Variants in ERI3 observed in about 807,000 individuals in gnomAD.
ERI3 encodes the protein ERI1 exoribonuclease family member 3, also known as ERI1 exoribonuclease 3.
ERI3 carries 18 observed loss-of-function variants against 44.4 expected under a neutral mutation model. The ratio of observed to expected loss-of-function variants is 0.41; its 90% confidence interval spans 0.28 to 0.60. The LOEUF is 0.60. Ranked by LOEUF, ERI3 falls within the 20% of genes least tolerant of loss-of-function variation. The pLI is 0.36. For missense variants in ERI3, 294 were observed against 435.5 expected (o/e 0.68, Z 2.89); for synonymous variants, 183 against 164.8 (o/e 1.11, Z -0.84).
chr1:44,241,297 G>A lies in ERI3; in HGVS notation c.931+6642C>T, dbSNP rs1261164660. ...GGAAAATAAACTGAAATGAAGTCCG[G>A]TTATCTCCCATCTGTGGCTGCTCCT... On this transcript the variant is annotated intron_variant, in intron 8 of 8. Coordinates refer to ENST00000372257, the MANE Select transcript of ERI3 (RefSeq NM_024066.3). This position sits in a 1 kb window ranked among gnomAD's most constrained non-coding sequence, Gnocchi z 5.6. 6.6e-6 allele frequency among the ~76,000 whole-genome samples: 1 copy of A among 152,076 alleles called. No homozygotes were observed. Among genetic ancestry groups the A allele is most frequent in the Non-Finnish European group, 1.5e-5 (1 of 68,008 alleles).
intron 2 of ERI3, among the ~76,000 whole-genome samples, chr1:44,347,290 A>G (rs1025514512): frequency 1.3e-5 from 2 of 152,220 alleles, no homozygotes; most frequent in Non-Finnish European, 2.9e-5. Context: ...ATTTAAAAAG[A>G]AAAATTACAG....
In ERI3 at chr1:44,241,455, G is replaced by A. The variant is rs1027542062; in HGVS notation, c.931+6484C>T. ...CACATGCTCACACATGCACACACAT[G>A]CACACACTTCACTGACTCTTGCTCT... is the stretch of plus-strand genomic sequence containing the variant. On this transcript the variant is annotated intron_variant, in intron 8 of 8. Transcript: ENST00000372257. The surrounding 1 kb of genome is among the most constrained non-coding windows in gnomAD (Gnocchi z 5.6). Among the ~76,000 whole-genome samples, 1 of 151,916 alleles carries A rather than the reference G, an allele frequency of 6.6e-6. No homozygotes were observed. Among genetic ancestry groups the A allele is most frequent in the Non-Finnish European group, 1.5e-5 (1 of 67,966 alleles).
At chr1:44,254,647 G>T (rs534783578) in intron 7 of ERI3, among the ~76,000 whole-genome samples, 16 of 152,206 alleles carry the variant, frequency 1.1e-4, no homozygotes, top group Non-Finnish European at 1.8e-4. Flanking sequence ...CAAGACCACA[G>T]CCTTAGCAAC....
At chr1:44,234,680 TAAC>T (rs762054175) in intron 8 of ERI3, among the ~76,000 whole-genome samples, 16 of 151,744 alleles carry the variant, frequency 1.1e-4, no homozygotes, top group South Asian at 6.3e-4. Flanking sequence ...ACAGCAACAA[TAAC>T]AACAACAAAC....
At chr1:44,242,974 A>C (rs1029980814) in intron 8 of ERI3, among the ~76,000 whole-genome samples, 7 of 152,198 alleles carry the variant, frequency 4.6e-5, no homozygotes, top group African/African-American at 1.7e-4. Flanking sequence ...TCCTTTTGGT[A>C]CAAGCGTCTC....
At chr1:44,264,554 G>A (rs1016098602) in intron 7 of ERI3, among the ~76,000 whole-genome samples, 16 of 152,356 alleles carry the variant, frequency 1.1e-4, no homozygotes, top group Admixed American at 3.9e-4. Context: ...TGGACGGCGC[G>A]TGCATAGGCA....
intron 6 of ERI3, among the ~76,000 whole-genome samples, chr1:44,285,210 T>G (rs1307259204): frequency 3.9e-5 from 6 of 152,352 alleles, no homozygotes; most frequent in Middle Eastern, 6.8e-3. Flanking sequence ...TCACATTTAA[T>G]CTTCAAAGCA....
intron 5 of ERI3, among the ~76,000 whole-genome samples, chr1:44,311,009 ACACACAC>A (rs1645960458): frequency 7.1e-6 from 1 of 141,384 alleles, no homozygotes; most frequent in Non-Finnish European, 1.6e-5. Flanking sequence ...ACACACACAC[ACACACAC>A]GTGCAGGAAT....
chr1:44,274,989 C>G (rs532721801), intron 7 of ERI3, among the ~76,000 whole-genome samples: 2 of 152,312 alleles, frequency 1.3e-5, no homozygotes, highest in East Asian at 3.9e-4. Flanking sequence ...GGACAATGCT[C>G]TGCACTTTGG....
At chr1:44,331,911 C>T (rs563398261) in intron 3 of ERI3, among the ~76,000 whole-genome samples, 51 of 152,286 alleles carry the variant, frequency 3.3e-4, no homozygotes, top group Admixed American at 3.3e-3. Context: ...CATTCCCATC[C>T]TTTGTGCCCC....
At chr1:44,319,060 C>A (rs1294943000) in intron 4 of ERI3, among the ~76,000 whole-genome samples, 5 of 152,200 alleles carry the variant, frequency 3.3e-5, no homozygotes, top group African/African-American at 4.8e-5. Flanking sequence ...CCAATACTAA[C>A]CTGCTGACAA....
chr1:44,291,952 A>C (rs1557824848), intron 6 of ERI3, among the ~76,000 whole-genome samples: 1 of 152,144 alleles, frequency 6.6e-6, no homozygotes, highest in Non-Finnish European at 1.5e-5. Flanking sequence ...CACTACACTA[A>C]GATAACTTGG....
chr1:44,261,288 G>T (rs1430136444), intron 7 of ERI3, among the ~76,000 whole-genome samples: 54 of 152,270 alleles, frequency 3.5e-4, no homozygotes, highest in Admixed American at 3.5e-3. Flanking sequence ...GGCGCACAGC[G>T]CGGAGGAAGG....
intron 6 of ERI3, among the ~76,000 whole-genome samples, chr1:44,302,899 A>C (rs1645756726): frequency 6.6e-6 from 1 of 152,212 alleles, no homozygotes; most frequent in Non-Finnish European, 1.5e-5. Context: ...TGTGCCCTTG[A>C]CAAATTACTT....
At chr1:44,307,341 A>G (rs1645859135) in intron 6 of ERI3, among the ~76,000 whole-genome samples, 1 of 152,098 alleles carries the variant, frequency 6.6e-6, no homozygotes, top group Non-Finnish European at 1.5e-5. Context: ...TGTGGTAGAA[A>G]ATGTTACTGC....
Position 44,252,805 on chromosome 1 carries a change from G to T in ERI3, c.832-4767C>A, listed in dbSNP as rs1309856635. 6.6e-6 allele frequency among the ~76,000 whole-genome samples: 1 copy of T among 152,224 alleles called. No individual in the cohort carries two copies. Among genetic ancestry groups the T allele is most frequent in the Non-Finnish European group, 1.5e-5 (1 of 68,036 alleles). On this transcript the variant is annotated intron_variant, in intron 7 of 8. Coordinates refer to ENST00000372257, the MANE Select transcript of ERI3 (RefSeq NM_024066.3). The surrounding 1 kb of genome is among the most constrained non-coding windows in gnomAD (Gnocchi z 4.7). ...ACCCTCAGAGTGGAGTGGACGCACAGTGGGAAGGGCTGTGGTTGGGCTAAA... is the reference window on the plus strand; with the variant it reads ...ACCCTCAGAGTGGAGTGGACGCACATTGGGAAGGGCTGTGGTTGGGCTAAA...
intron 3 of ERI3, among the ~76,000 whole-genome samples, chr1:44,332,635 C>G (rs1646454796): frequency 6.6e-6 from 1 of 152,260 alleles, no homozygotes; most frequent in African/African-American, 2.4e-5. Flanking sequence ...TATTTTGCTT[C>G]TACATTGCTA....
Position 44,308,373 on chromosome 1 carries a change from C to A in ERI3, c.695G>T (p.Gly232Val). Residue 232 changes from glycine to valine, a missense_variant, in exon 6 of 9, where the codon GGC becomes GTC. Coordinates refer to ENST00000372257, the MANE Select transcript of ERI3 (RefSeq NM_024066.3). Reference sequence around the variant, plus strand: ...TGACTTGACGTTTGGATCTAAGAGGCCTTCCTTCGCCATCCATTCATCGAC... The same window carrying A: ...TGACTTGACGTTTGGATCTAAGAGGACTTCCTTCGCCATCCATTCATCGAC... ...ERVDEWMAKE[G>V]LLDPNVKSIF... The A allele has an allele frequency of 6.2e-7, 1 of 1,614,172 alleles. No individual in the cohort carries two copies. The highest frequency in any genetic ancestry group is 1.3e-5 in the African/African-American group (1 of 75,046).
intron 6 of ERI3, among the ~76,000 whole-genome samples, chr1:44,304,086 A>G (rs1342495227): frequency 1.3e-5 from 2 of 152,112 alleles, no homozygotes; most frequent in Non-Finnish European, 2.9e-5. Flanking sequence ...GGAATGATGG[A>G]GGACAGGGTG....
Sources: gnomAD v4.1 joint callset for allele counts (sites outside exome capture counted in the v4.1 genomes callset) on GRCh38, gnomAD v4.1.1 for gene constraint, Gnocchi (gnomAD v3.1) non-coding constraint, MANE v1.5 for transcripts, NCBI Gene and HGNC (gene_info 2026-07-23, HGNC 2026-07-21) for gene names.